The following OSBPL1A variants were observed in gnomAD, a reference collection of about 807,000 sequenced individuals.
OSBPL1A encodes the protein oxysterol binding protein like 1A.
In OSBPL1A, 80 loss-of-function variants were observed where a neutral mutation model predicts 137.1. The observed-to-expected ratio is 0.58, with a 90% CI of 0.49 to 0.70. The LOEUF is 0.70. Among genes scored for constraint, OSBPL1A ranks in the 30% least tolerant of loss-of-function variants. OSBPL1A has a pLI of 0.00. For synonymous variants in OSBPL1A, 365 were observed against 389.7 expected (o/e 0.94, Z 0.75); for missense variants, 970 against 1,129.4 (o/e 0.86, Z 2.02).
intron 15 of OSBPL1A, chr18:24,272,077 G>A (rs2089737207): frequency 3.1e-6 from 3 of 982,250 alleles, no homozygotes; most frequent in African/African-American, 1.8e-5. Flanking sequence ...GCTGGCGGGC[G>A]GAGGCGCAGG....
chr18:24,164,067 G>T (rs1018597372), intron 27 of OSBPL1A, among the ~76,000 whole-genome samples: 1 of 152,144 alleles, frequency 6.6e-6, no homozygotes, highest in Non-Finnish European at 1.5e-5. Context: ...ATGAGAAGCT[G>T]AATGTCCAAG....
At chr18:24,222,173 G>GCTAATGTATGTATTGATCATTTA (rs1376719738) in intron 17 of OSBPL1A, among the ~76,000 whole-genome samples, 1 of 152,054 alleles carries the variant, frequency 6.6e-6, no homozygotes, top group African/African-American at 2.4e-5. Flanking sequence ...TTTGTGATTT[G>GCTAATGTATGTATTGATCATTTA]CTAATGTATG....
intron 16 of OSBPL1A, among the ~76,000 whole-genome samples, chr18:24,231,831 A>G (rs8087792): frequency 0.038 from 5,769 of 152,330 alleles, 134 homozygotes; most frequent in African/African-American, 0.045. Flanking sequence ...AGGCTGAAAG[A>G]AGAGGCCATA....
chr18:24,181,116 G>A, intron 19 of OSBPL1A, 29 bp downstream of exon 19: 3 of 1,609,314 alleles, frequency 1.9e-6, no homozygotes, highest in Non-Finnish European at 2.5e-6. Flanking sequence ...GTCTCTAAGA[G>A]TTAGACCTTT....
At chr18:24,318,717 T>C (rs1334902662) in intron 8 of OSBPL1A, 31 bp downstream of exon 8, 2 of 1,596,742 alleles carry the variant, frequency 1.3e-6, no homozygotes, top group Admixed American at 3.5e-5. Flanking sequence ...TTCTAAAAAT[T>C]ATTAGATAAA....
intron 18 of OSBPL1A, among the ~76,000 whole-genome samples, chr18:24,191,245 T>C (rs947101427): frequency 6.6e-6 from 1 of 152,236 alleles, no homozygotes; most frequent in Non-Finnish European, 1.5e-5. Flanking sequence ...GGAGTCCTAA[T>C]TGAGTTGTTA....
intron 15 of OSBPL1A, among the ~76,000 whole-genome samples, chr18:24,265,315 A>C (rs2146047765): frequency 6.6e-6 from 1 of 152,232 alleles, no homozygotes; most frequent in African/African-American, 2.4e-5. Flanking sequence ...TCCCATCTCT[A>C]CTAAAAATAT....
intron 7 of OSBPL1A, among the ~76,000 whole-genome samples, chr18:24,324,858 C>T (rs1470092771): frequency 6.7e-6 from 1 of 149,900 alleles, no homozygotes; most frequent in Non-Finnish European, 1.5e-5. Flanking sequence ...GAGGCCGAGG[C>T]AGGCAGATCA....
chr18:24,185,139 G>C (rs749458400), intron 18 of OSBPL1A, among the ~76,000 whole-genome samples: 8 of 152,128 alleles, frequency 5.3e-5, no homozygotes, highest in Non-Finnish European at 1.2e-4. Flanking sequence ...AAAGGTCAGT[G>C]GTTGCCCAGG....
At chr18:24,166,359 G>T (rs1157052291) in intron 26 of OSBPL1A, among the ~76,000 whole-genome samples, 2 of 152,076 alleles carry the variant, frequency 1.3e-5, no homozygotes, top group Admixed American at 6.5e-5. Context: ...AAATTCTCAG[G>T]GGAGTATTAC....
At chr18:24,175,108 G>GTA (rs71163664) in intron 21 of OSBPL1A, among the ~76,000 whole-genome samples, 9 of 111,528 alleles carry the variant, frequency 8.1e-5, no homozygotes, top group South Asian at 2.7e-4. Context: ...CCATGTGTAT[G>GTA]TATATATATA....
At chr18:24,216,290 G>A (rs1431553494) in intron 17 of OSBPL1A, among the ~76,000 whole-genome samples, 4 of 152,214 alleles carry the variant, frequency 2.6e-5, no homozygotes, top group Non-Finnish European at 4.4e-5. Flanking sequence ...TGGATTGCCC[G>A]AGCTCAGGAG....
At chr18:24,175,769 A>G (rs1229600657) in intron 21 of OSBPL1A, among the ~76,000 whole-genome samples, 1 of 152,188 alleles carries the variant, frequency 6.6e-6, no homozygotes, top group Non-Finnish European at 1.5e-5. Context: ...CCTTAGTTTT[A>G]CATTTTACGT....
chr18:24,257,597 G>A (rs2089321406), intron 15 of OSBPL1A, among the ~76,000 whole-genome samples: 1 of 152,022 alleles, frequency 6.6e-6, no homozygotes, highest in Admixed American at 6.6e-5. Context: ...TACCCCACAA[G>A]CACAGACAAC....
intron 14 of OSBPL1A, chr18:24,302,741 A>G (rs891956638): frequency 6.6e-6 from 1 of 152,128 alleles, no homozygotes; most frequent in African/African-American, 2.4e-5. Context: ...TTTATAGTCA[A>G]CTCTTGAGAA....
chr18:24,286,113 C>T (rs1054102017), intron 14 of OSBPL1A, among the ~76,000 whole-genome samples: 4 of 152,046 alleles, frequency 2.6e-5, no homozygotes, highest in Non-Finnish European at 4.4e-5. Flanking sequence ...GCCAAGATCG[C>T]GCCACTGCAC....
chr18:24,354,221 T>C (rs1161292035), intron 4 of OSBPL1A, among the ~76,000 whole-genome samples: 2 of 152,084 alleles, frequency 1.3e-5, no homozygotes, highest in Non-Finnish European at 2.9e-5. Flanking sequence ...CTCCTTCCCC[T>C]TAAGCAAGGA....
chr18:24,245,613 T>C (rs1475017993), intron 15 of OSBPL1A, among the ~76,000 whole-genome samples: 2 of 152,172 alleles, frequency 1.3e-5, no homozygotes, highest in Non-Finnish European at 2.9e-5. Context: ...TCAATGTTAC[T>C]TCTGAAACCA....
chr18:24,308,305 A>G (rs1339575744), intron 13 of OSBPL1A, among the ~76,000 whole-genome samples: 1 of 149,950 alleles, frequency 6.7e-6, no homozygotes, highest in African/African-American at 2.5e-5. Context: ...TAGTAGAGAC[A>G]GGGTTTTGCC....
Sources: allele counts gnomAD v4.1 joint callset (sites outside exome capture counted in the v4.1 genomes callset), GRCh38; gene constraint gnomAD v4.1.1; transcripts MANE v1.5; gene names NCBI Gene and HGNC (gene_info 2026-07-23, HGNC 2026-07-21).